The following MRPL30 variants were observed in gnomAD, a reference collection of about 807,000 sequenced individuals.
MRPL30 encodes large ribosomal subunit protein uL30m.
Under a neutral mutation model 17.2 loss-of-function variants are expected in MRPL30, and 10 were observed. The ratio of observed to expected loss-of-function variants is 0.58; its 90% CI spans 0.36 to 0.99. The LOEUF (loss-of-function observed/expected upper bound fraction) is 0.99, where lower values mean the gene tolerates loss of function less well. Among genes scored for constraint, MRPL30 ranks in the 50% least tolerant of loss-of-function variants. The pLI is 0.01. For synonymous variants in MRPL30, 61 were observed against 62.1 expected (o/e 0.98, Z 0.08); for missense variants, 170 against 189.8 (o/e 0.90, Z 0.61).
Position 99,186,043 on chromosome 2 carries a change from T to C in MRPL30, c.-27-134T>C. 3 of 608,716 alleles carry C rather than the reference T, an allele frequency of 4.9e-6. No individual in the cohort carries two copies. In the Admixed American group the frequency reaches 8.9e-5, roughly 18 times the overall value. The allele number at this position is 608,716 out of a possible 1,614,324, so 37.7% of individuals were successfully genotyped here. On this transcript the variant is annotated intron_variant, in intron 1 of 5. Coordinates refer to ENST00000338148, the MANE Select transcript of MRPL30 (RefSeq NM_145212.4). ...TATAAATTAATTCGTGCCCTTATTA[T>C]ATTAAAATAACCAATAATTTTACTG...
intron 1 of MRPL30, 56 bp from the exon 2 acceptor site, chr2:99,186,121 A>G: frequency 8.2e-7 from 1 of 1,215,868 alleles, no homozygotes; most frequent in South Asian, 1.3e-5. Context: ...AGAAGGGGAA[A>G]CCTGTTCATT....
chr2:99,188,760 G>A (rs780242262), intron 3 of MRPL30, among the ~76,000 whole-genome samples: 1 of 151,920 alleles, frequency 6.6e-6, no homozygotes, highest in Non-Finnish European at 1.5e-5. Flanking sequence ...GAGTGCAGTG[G>A]TGCAATCTCA....
Position 99,195,308 on chromosome 2 carries a change from G to GT in MRPL30, c.353+128dup, listed in dbSNP as rs200732303. On this transcript the variant is annotated intron_variant, in intron 5 of 5. Coordinates refer to ENST00000338148, the MANE Select transcript of MRPL30 (RefSeq NM_145212.4). ...TTTTAAAAAACTAAAATTTTATTTTGTTTTTTTTTAATTGACACATAATAA... is the reference window on the plus strand; with the variant it reads ...TTTTAAAAAACTAAAATTTTATTTTGTTTTTTTTTTAATTGACACATAATAA... 2.6e-3 allele frequency: 2,564 copies of GT among 973,178 alleles called. 18 individuals are homozygous for GT. The highest frequency in any genetic ancestry group is 0.024 in the African/African-American group (1,376 of 57,750). 60.3% of individuals were successfully genotyped at this position (973,178 alleles called of 1,614,324 possible). A position where few individuals can be genotyped will look rare whatever the true frequency, so the allele number is the denominator to read the frequency against.
At chr2:99,181,297 T>C (rs2093919926) in intron 1 of MRPL30, 48 bp downstream of exon 1, 1 of 302,288 alleles carries the variant, frequency 3.3e-6, no homozygotes, top group African/African-American at 2.2e-5. Flanking sequence ...TCGCAAGGTG[T>C]ATCCGGGAAC....
intron 1 of MRPL30, among the ~76,000 whole-genome samples, chr2:99,181,865 A>G (rs1438081658): frequency 6.6e-6 from 1 of 152,216 alleles, no homozygotes; most frequent in African/African-American, 2.4e-5. Context: ...GATCTCTGGT[A>G]TCTCTGCAAG....
At chr2:99,183,057 C>G (rs13030961) in intron 1 of MRPL30, among the ~76,000 whole-genome samples, 87,766 of 151,860 alleles carry the variant, frequency 0.58, 26,299 homozygotes, top group East Asian at 0.88. Context: ...TGAGATTTGA[C>G]CCAAAAATTG....
At chr2:99,192,918 C>T (rs778644287) in intron 3 of MRPL30, among the ~76,000 whole-genome samples, 3 of 152,142 alleles carry the variant, frequency 2.0e-5, no homozygotes, top group Non-Finnish European at 4.4e-5. Context: ...TAGGCATGGG[C>T]AAAGCCTTCA....
intron 1 of MRPL30, among the ~76,000 whole-genome samples, chr2:99,182,255 T>A (rs747234132): frequency 1.7e-4 from 26 of 152,214 alleles, no homozygotes; most frequent in African/African-American, 2.7e-4. Context: ...TAACTTTTAC[T>A]TTATTAAAAC....
chr2:99,182,637 G>A (rs1471253708), intron 1 of MRPL30, among the ~76,000 whole-genome samples: 2 of 152,264 alleles, frequency 1.3e-5, no homozygotes, highest in African/African-American at 4.8e-5. Context: ...TGGGAAAATT[G>A]AGGATTGCTT....
intron 1 of MRPL30, among the ~76,000 whole-genome samples, chr2:99,184,073 T>C (rs2093930132): frequency 9.9e-6 from 1 of 100,740 alleles, no homozygotes; most frequent in Admixed American, 1.3e-4. Context: ...TATATTAGTA[T>C]GAATTTAGGG....
chr2:99,187,822 C>T (rs950269003), intron 2 of MRPL30, among the ~76,000 whole-genome samples: 1 of 150,236 alleles, frequency 6.7e-6, no homozygotes, highest in Non-Finnish European at 1.5e-5. Flanking sequence ...AGCGAGACTC[C>T]GTCTCAAAAA....
chr2:99,198,945 T>A lies in MRPL30; in HGVS notation c.*3240T>A, dbSNP rs2093959226. 6.7e-6 allele frequency among the ~76,000 whole-genome samples: 1 copy of A among 148,988 alleles called. No individual in the cohort carries two copies. The highest frequency in any genetic ancestry group is 6.7e-5 in the Admixed American group (1 of 14,988). On this transcript the variant is annotated 3_prime_UTR_variant, in exon 6 of 6. Coordinates refer to ENST00000338148, the MANE Select transcript of MRPL30 (RefSeq NM_145212.4). ...TCAGGCCAAACACCTATTTTCTTCA[T>A]TTTTTTTTTCTCATAAGAATGCTAG...
intron 1 of MRPL30, 76 bp from the exon 2 acceptor site, chr2:99,186,101 T>C: frequency 2.1e-6 from 2 of 959,582 alleles, no homozygotes. Context: ...GCTTAGTTTT[T>C]TAATACTAGA....
At chr2:99,192,907 A>G (rs1041666940) in intron 3 of MRPL30, among the ~76,000 whole-genome samples, 1 of 152,238 alleles carries the variant, frequency 6.6e-6, no homozygotes. Flanking sequence ...CATTCAGGAC[A>G]TAGGCATGGG....
rs980950666 is a variant in MRPL30, at chr2:99,197,933, C to T, written c.*2228C>T. ...TGCTGGGAATACAGGTGTGAGCCAC[C>T]ATACCTGGCCTTACTGTACTAATAT... On this transcript the variant is annotated 3_prime_UTR_variant, in exon 6 of 6. Transcript: ENST00000338148. 2.0e-5 allele frequency among the ~76,000 whole-genome samples: 3 copies of T among 152,140 alleles called. No individual in the cohort carries two copies. The highest frequency in any genetic ancestry group is 7.2e-5 in the African/African-American group (3 of 41,436).
In MRPL30 at chr2:99,195,566, G is replaced by A. The variant is rs1295858530; in HGVS notation, c.354-7G>A. 1.3e-6 allele frequency: 2 copies of A among 1,593,698 alleles called. No homozygotes were observed. Among genetic ancestry groups the A allele is most frequent in the East Asian group, 2.2e-5 (1 of 44,520 alleles). On this transcript the variant is annotated splice_polypyrimidine_tract_variant and splice_region_variant and intron_variant, in intron 5 of 5. Transcript: ENST00000338148. ...CTCCTATCTAAACGCATTTTCTTGT[G>A]TCACAGAATCAAGCCCTTGAAGTTG...
At chr2:99,184,885 A>T (rs919712613) in intron 1 of MRPL30, among the ~76,000 whole-genome samples, 1 of 152,184 alleles carries the variant, frequency 6.6e-6, no homozygotes, top group Non-Finnish European at 1.5e-5. Flanking sequence ...GCAGAACTTG[A>T]ATGAGCTAGA....
Position 99,195,697 on chromosome 2 carries a change from G to A in MRPL30, c.478G>A (p.Glu160Lys), listed in dbSNP as rs1431750223. Reference protein sequence around the residue: ...HLKPVEQKAHES With the variant: ...HLKPVEQKAHKS ...GAAACCTGTGGAGCAGAAAGCACAT[G>A]AGTCCTAATGCCCCAGCAGCTTCCG... The change falls in exon 6 of 6, where the codon GAG becomes AAG. Residue 160 changes from glutamate (E) to lysine (K), a missense_variant. Physicochemically the swap from Glu to Lys is moderately conservative, Grantham distance 56. Transcript: ENST00000338148. The A allele has an allele frequency of 6.2e-7, 1 of 1,612,582 alleles. No individual in the cohort carries two copies. The highest frequency in any genetic ancestry group is 1.1e-5 in the South Asian group (1 of 90,806).
In MRPL30 at chr2:99,196,289, A is replaced by G. The variant is rs1014975973; in HGVS notation, c.*584A>G. 1.3e-5 allele frequency: 2 copies of G among 152,974 alleles called. No individual in the cohort carries two copies. The highest frequency in any genetic ancestry group is 6.6e-5 in the Admixed American group (1 of 15,258). 9.5% of individuals were successfully genotyped at this position (152,974 alleles called of 1,614,324 possible). ...CAAGCCTCATTAACCATTTTATAAA[A>G]ATTGCGTTAGTATTGTTGTTGTTGT... On this transcript the variant is annotated 3_prime_UTR_variant, in exon 6 of 6. Coordinates refer to ENST00000338148, the MANE Select transcript of MRPL30 (RefSeq NM_145212.4).
Sources: allele counts gnomAD v4.1 joint callset (sites outside exome capture counted in the v4.1 genomes callset), GRCh38; gene constraint gnomAD v4.1.1; transcripts MANE v1.5; gene names NCBI Gene and HGNC (gene_info 2026-07-23, HGNC 2026-07-21).